The following SIMC1 variants were observed in gnomAD, a reference collection of about 807,000 sequenced individuals.
The protein encoded by SIMC1 is SUMO-interacting motif-containing protein 1.
A neutral mutation model predicts 82.3 loss-of-function variants in SIMC1; 55 were observed. The observed-to-expected ratio is 0.67, with a 90% confidence interval of 0.54 to 0.84. The LOEUF is 0.84. Ranked by LOEUF, SIMC1 falls within the 40% of genes least tolerant of loss-of-function variation. SIMC1 has a pLI of 0.00. For missense variants in SIMC1, 915 were observed against 1,107.2 expected (o/e 0.83, Z 2.46); for synonymous variants, 353 against 426.3 (o/e 0.83, Z 2.12).
chr5:176,281,780 C>G (rs1763020763), intron 1 of SIMC1, among the ~76,000 whole-genome samples: 1 of 152,176 alleles, frequency 6.6e-6, no homozygotes, highest in Non-Finnish European at 1.5e-5. Flanking sequence ...TCTGATCGTT[C>G]CTCTGGAAGT....
intron 1 of SIMC1, among the ~76,000 whole-genome samples, chr5:176,250,161 T>C (rs1452067894): frequency 1.3e-5 from 2 of 152,228 alleles, no homozygotes; most frequent in African/African-American, 4.8e-5. Context: ...ATTTCTGCCT[T>C]AATGTCGTTA....
chr5:176,319,987 G>A (rs536050592), intron 5 of SIMC1, among the ~76,000 whole-genome samples: 1 of 152,262 alleles, frequency 6.6e-6, no homozygotes, highest in South Asian at 2.1e-4. Flanking sequence ...TTCCCTCTAG[G>A]TGGAACTGAT....
chr5:176,303,808 C>T (rs1764148795), intron 4 of SIMC1, among the ~76,000 whole-genome samples: 1 of 152,150 alleles, frequency 6.6e-6, no homozygotes, highest in South Asian at 2.1e-4. Flanking sequence ...TAAGACGACT[C>T]AGTGGTGAAA....
intron 1 of SIMC1, among the ~76,000 whole-genome samples, chr5:176,254,251 A>G (rs1025697506): frequency 1.4e-4 from 21 of 152,334 alleles, no homozygotes; most frequent in African/African-American, 4.3e-4. Context: ...TGAAATTTCA[A>G]TTACACCGTT....
intron 1 of SIMC1, among the ~76,000 whole-genome samples, chr5:176,258,278 A>C (rs1393226545): frequency 6.6e-6 from 1 of 151,866 alleles, no homozygotes; most frequent in Non-Finnish European, 1.5e-5. Context: ...ATTAACTCAT[A>C]ATCTTCACTG....
At chr5:176,289,564 T>C (rs1484642792) in intron 1 of SIMC1, 90 bp from the exon 2 acceptor site, 1 of 1,014,704 alleles carries the variant, frequency 9.9e-7, no homozygotes, top group African/African-American at 1.6e-5. Context: ...GGTAAAGTAA[T>C]GCTTATCCTT....
At chr5:176,284,703 A>T (rs966646716) in intron 1 of SIMC1, among the ~76,000 whole-genome samples, 5 of 152,206 alleles carry the variant, frequency 3.3e-5, no homozygotes, top group African/African-American at 1.2e-4. Context: ...GGAGATAGAG[A>T]CACAAAAAGC....
At chr5:176,268,455 C>A (rs56004417) in intron 1 of SIMC1, among the ~76,000 whole-genome samples, 17,010 of 127,954 alleles carry the variant, frequency 0.13, 1,128 homozygotes, top group Middle Eastern at 0.21. Flanking sequence ...TATAAAGATG[C>A]AAATACACTG....
intron 1 of SIMC1, among the ~76,000 whole-genome samples, chr5:176,265,919 G>C (rs181040236): frequency 6.6e-6 from 1 of 152,086 alleles, no homozygotes. Context: ...ATTCTCAAAT[G>C]GGGGAGAAGA....
intron 9 of SIMC1, 92 bp downstream of exon 9, chr5:176,337,238 C>T: frequency 9.0e-7 from 1 of 1,107,334 alleles, no homozygotes; most frequent in Non-Finnish European, 1.3e-6. Context: ...GATTTGTTGA[C>T]ATTGTTCCTT....
At chr5:176,317,080 A>G (rs1214207378) in intron 5 of SIMC1, among the ~76,000 whole-genome samples, 1 of 152,196 alleles carries the variant, frequency 6.6e-6, no homozygotes, top group Admixed American at 6.5e-5. Context: ...CTCAATGAAA[A>G]AAATCATTTG....
At chr5:176,254,748 A>G (rs2113130123) in intron 1 of SIMC1, among the ~76,000 whole-genome samples, 1 of 151,992 alleles carries the variant, frequency 6.6e-6, no homozygotes, top group Admixed American at 6.6e-5. Context: ...TATATAACCA[A>G]TGTTTCCAAC....
At chr5:176,325,378 T>TC (rs1193717655) in intron 7 of SIMC1, among the ~76,000 whole-genome samples, 1 of 150,480 alleles carries the variant, frequency 6.6e-6, no homozygotes, top group East Asian at 2.0e-4. Context: ...AGAGTGAGAC[T>TC]CCATCTCAAA....
intron 9 of SIMC1, among the ~76,000 whole-genome samples, chr5:176,342,115 C>T (rs2113424582): frequency 6.6e-6 from 1 of 152,324 alleles, no homozygotes; most frequent in East Asian, 1.9e-4. Context: ...CCCTGTCCCA[C>T]CCTATTCAGT....
At chr5:176,331,840 G>A (rs2113395629) in intron 7 of SIMC1, among the ~76,000 whole-genome samples, 1 of 151,900 alleles carries the variant, frequency 6.6e-6, no homozygotes, top group African/African-American at 2.4e-5. Flanking sequence ...GTGGTGGCGG[G>A]CGCCTGTAAT....
chr5:176,279,559 T>C (rs538961848), intron 1 of SIMC1, among the ~76,000 whole-genome samples: 58 of 150,908 alleles, frequency 3.8e-4, no homozygotes, highest in African/African-American at 1.2e-3. Context: ...CTTTTAATTG[T>C]GATGTTAGGG....
chr5:176,273,632 C>G (rs1355413477), intron 1 of SIMC1, among the ~76,000 whole-genome samples: 1 of 152,180 alleles, frequency 6.6e-6, no homozygotes, highest in Non-Finnish European at 1.5e-5. Context: ...TTAGGTATAT[C>G]TCCCAATGCT....
chr5:176,343,997 A>G (rs927464165), intron 9 of SIMC1, among the ~76,000 whole-genome samples: 5 of 151,990 alleles, frequency 3.3e-5, no homozygotes, highest in Admixed American at 2.0e-4. Flanking sequence ...GGGTTTCACC[A>G]TGTTGGCCAG....
At chr5:176,250,906 C>T (rs1761628266) in intron 1 of SIMC1, among the ~76,000 whole-genome samples, 1 of 152,164 alleles carries the variant, frequency 6.6e-6, no homozygotes, top group Non-Finnish European at 1.5e-5. Flanking sequence ...GGTCTTGACT[C>T]TTTATCCAAT....
Sources: allele counts gnomAD v4.1 joint callset (sites outside exome capture counted in the v4.1 genomes callset), GRCh38; gene constraint gnomAD v4.1.1; transcripts MANE v1.5; gene names NCBI Gene and HGNC (gene_info 2026-07-23, HGNC 2026-07-21).